DPF3: variants seen among roughly 807,000 people sequenced by gnomAD.
DPF3 encodes zinc finger protein DPF3.
Under a neutral mutation model 56.8 loss-of-function variants are expected in DPF3, and 18 were observed. The observed-to-expected ratio is 0.32, with a 90% CI of 0.22 to 0.47. The LOEUF is 0.47. Ranked by LOEUF, DPF3 falls within the 20% of genes least tolerant of loss-of-function variation. DPF3 has a pLI of 1.00. For missense variants in DPF3, 403 were observed against 488.8 expected, an observed-to-expected ratio of 0.82 and a Z score of 1.65; for synonymous variants, 188 against 180.2, an observed-to-expected ratio of 1.04 and a Z score of -0.35.
chr14:72,741,146 CA>C, intron 3 of DPF3, among the ~76,000 whole-genome samples: 1 of 152,202 alleles, frequency 6.6e-6, no homozygotes, highest in East Asian at 1.9e-4. Context: ...GAGCTGTCTG[CA>C]GCAAATTCAT....
At chr14:72,883,281 T>C (rs902522941) in intron 1 of DPF3, among the ~76,000 whole-genome samples, 2 of 152,030 alleles carry the variant, frequency 1.3e-5, no homozygotes, top group Admixed American at 6.6e-5. Flanking sequence ...GGCAGCACAG[T>C]GAGACCCCCA....
chr14:72,708,230 C>T (rs1888496413), intron 6 of DPF3, among the ~76,000 whole-genome samples: 1 of 152,162 alleles, frequency 6.6e-6, no homozygotes, highest in Admixed American at 6.5e-5. Flanking sequence ...GAAACTTCAC[C>T]CTCTCCCCAG....
chr14:72,619,802 TA>T, intron 10 of DPF3, 100 bp downstream of exon 10: 1 of 1,119,388 alleles, frequency 8.9e-7, no homozygotes, highest in Non-Finnish European at 1.2e-6. Flanking sequence ...CATGAACATG[TA>T]AACCCATTAG....
intron 8 of DPF3, among the ~76,000 whole-genome samples, chr14:72,654,476 C>T (rs926362768): frequency 6.6e-6 from 1 of 152,178 alleles, no homozygotes; most frequent in Non-Finnish European, 1.5e-5. Context: ...TGCTAACCAC[C>T]TCTTTCACCT....
intron 1 of DPF3, among the ~76,000 whole-genome samples, chr14:72,792,387 T>G (rs144604886): frequency 3.9e-4 from 60 of 152,274 alleles, no homozygotes; most frequent in African/African-American, 1.3e-3. Flanking sequence ...GGCTTTCGCT[T>G]TTTATTTTTT....
At chr14:72,683,710 T>C (rs1262031700) in intron 7 of DPF3, among the ~76,000 whole-genome samples, 2 of 152,186 alleles carry the variant, frequency 1.3e-5, no homozygotes, top group Non-Finnish European at 2.9e-5. Context: ...GGCTAGGGCT[T>C]CCCAGATTTT....
intron 1 of DPF3, among the ~76,000 whole-genome samples, chr14:72,854,509 G>A (rs945560892): frequency 3.9e-5 from 6 of 152,152 alleles, no homozygotes; most frequent in Non-Finnish European, 4.4e-5. Context: ...ACCTCAAAGG[G>A]CCCTTTCCAG....
At chr14:72,710,675 A>C (rs982482597) in intron 6 of DPF3, among the ~76,000 whole-genome samples, 5 of 152,224 alleles carry the variant, frequency 3.3e-5, no homozygotes, top group Non-Finnish European at 7.3e-5. Flanking sequence ...ATTGCTGTGC[A>C]GCTGGTCCGG....
chr14:72,615,951 G>A lies in DPF3; in HGVS notation c.*3346C>T, dbSNP rs1303595797. ...TGGTTTGCTGGAGCCACAGTACAGAGGGGTGAAGCCCAGCAAAGTTCTCCT... is the reference window on the plus strand; with the variant it reads ...TGGTTTGCTGGAGCCACAGTACAGAAGGGTGAAGCCCAGCAAAGTTCTCCT... On this transcript the variant is annotated 3_prime_UTR_variant, in exon 11 of 11. Coordinates refer to ENST00000556509, the MANE Select transcript of DPF3 (RefSeq NM_001280542.3). 6.6e-6 allele frequency among the ~76,000 whole-genome samples: 1 copy of A among 152,228 alleles called. No individual in the cohort carries two copies. Among genetic ancestry groups the A allele is most frequent in the South Asian group, 2.1e-4 (1 of 4,826 alleles).
intron 8 of DPF3, among the ~76,000 whole-genome samples, chr14:72,658,462 T>G (rs1489013171): frequency 6.6e-6 from 1 of 152,120 alleles, no homozygotes; most frequent in Non-Finnish European, 1.5e-5. Context: ...TTGGGTTTCT[T>G]AGAAAAGAAG....
chr14:72,771,915 G>A lies in DPF3; in HGVS notation c.33-22C>T, dbSNP rs968127334. 4 of 1,547,990 alleles carry A rather than the reference G, an allele frequency of 2.6e-6. No individual in the cohort carries two copies. In the African/African-American group the frequency reaches 5.5e-5, roughly 21 times the overall value. ...GAGCCTGCCAGAGTCAGAGAGTGAA[G>A]GGGTGAGGCCAGGGAAGACTGAAAC... On this transcript the variant is annotated intron_variant, in intron 1 of 10. Coordinates refer to ENST00000556509, the MANE Select transcript of DPF3 (RefSeq NM_001280542.3).
At chr14:72,768,989 G>A (rs1248886907) in intron 2 of DPF3, among the ~76,000 whole-genome samples, 1 of 149,846 alleles carries the variant, frequency 6.7e-6, no homozygotes, top group African/African-American at 2.5e-5. Context: ...AAGCAAATAA[G>A]TAATTACATC....
At chr14:72,704,528 C>G (rs558802135) in intron 6 of DPF3, among the ~76,000 whole-genome samples, 62 of 152,208 alleles carry the variant, frequency 4.1e-4, no homozygotes, top group African/African-American at 1.4e-3. Flanking sequence ...TTCCCCACCC[C>G]CTGCCTGAGG....
intron 1 of DPF3, among the ~76,000 whole-genome samples, chr14:72,889,664 T>C (rs940296535): frequency 6.6e-6 from 1 of 152,180 alleles, no homozygotes; most frequent in Non-Finnish European, 1.5e-5. Context: ...AACTTTCACA[T>C]GCACAAAACC....
intron 1 of DPF3, among the ~76,000 whole-genome samples, chr14:72,866,417 T>C (rs1885668531): frequency 6.6e-6 from 1 of 150,778 alleles, no homozygotes; most frequent in Non-Finnish European, 1.5e-5. Flanking sequence ...TCTCTCCCAG[T>C]GACCTGGCTG....
intron 1 of DPF3, among the ~76,000 whole-genome samples, chr14:72,796,632 A>G (rs528899573): frequency 1.3e-5 from 2 of 152,230 alleles, no homozygotes; most frequent in Non-Finnish European, 2.9e-5. Context: ...CAGACACTAC[A>G]ATAAACATTG....
intron 8 of DPF3, among the ~76,000 whole-genome samples, chr14:72,656,913 T>C (rs879729665): frequency 1.3e-5 from 2 of 152,212 alleles, no homozygotes; most frequent in Non-Finnish European, 2.9e-5. Flanking sequence ...CTATCATGAC[T>C]AGCTCATCGA....
chr14:72,848,469 G>A (rs560439292), intron 1 of DPF3, among the ~76,000 whole-genome samples: 19 of 152,234 alleles, frequency 1.2e-4, no homozygotes, highest in African/African-American at 4.3e-4. Flanking sequence ...CTAGACTTAT[G>A]TAGCCATTCT....
rs147794363 is a variant in DPF3 at position 72,804,664 on chromosome 14, C to T, written c.33-32771G>A. On this transcript the variant is annotated intron_variant, in intron 1 of 10. Coordinates refer to ENST00000556509, the MANE Select transcript of DPF3 (RefSeq NM_001280542.3). Reference sequence around the variant, plus strand: ...TAAGGAGGCAGAAAGTAGAGGAGGTCGTGAGCACGAGAAAGTGCCACTGCT... The same window carrying T: ...TAAGGAGGCAGAAAGTAGAGGAGGTTGTGAGCACGAGAAAGTGCCACTGCT... Among the ~76,000 whole-genome samples the T allele has an allele frequency of 7.8e-3, 1,188 of 152,142 alleles. 6 individuals are homozygous for T. The highest frequency in any genetic ancestry group is 0.013 in the Non-Finnish European group (886 of 67,990).
Sources: allele counts gnomAD v4.1 joint callset (sites outside exome capture counted in the v4.1 genomes callset), GRCh38; gene constraint gnomAD v4.1.1; transcripts MANE v1.5; gene names NCBI Gene and HGNC (gene_info 2026-07-23, HGNC 2026-07-21).